Variants in CATSPER3 observed in about 807,000 individuals in gnomAD.
CATSPER3 encodes the protein cation channel sperm-associated protein 3.
Under a neutral mutation model 36.6 loss-of-function variants are expected in CATSPER3, and 23 were observed. That is an observed-to-expected ratio of 0.63 (90% confidence interval 0.45 to 0.89). CATSPER3 has a LOEUF of 0.89. Ranked by LOEUF, CATSPER3 falls within the 40% of genes least tolerant of loss-of-function variation. CATSPER3 has a pLI of 0.00. For missense variants in CATSPER3, 474 were observed against 503.9 expected (o/e 0.94, Z 0.57); for synonymous variants, 172 against 184.1 (o/e 0.93, Z 0.53).
chr5:134,991,523 G>T (rs1239940673), intron 2 of CATSPER3, among the ~76,000 whole-genome samples: 3 of 152,176 alleles, frequency 2.0e-5, no homozygotes, highest in Non-Finnish European at 4.4e-5. Context: ...TGATAACGGG[G>T]TCAAGACCAT....
In CATSPER3 at chr5:134,986,375, C is replaced by A. The variant is rs528998351; in HGVS notation, c.253-9898C>A. ...GTCAGGCTGGTCTCGAACTCCTGAC[C>A]TCAGGTGATCCACTCACCTCGGCCT... On this transcript the variant is annotated intron_variant, in intron 2 of 7. Coordinates refer to ENST00000282611, the MANE Select transcript of CATSPER3 (RefSeq NM_178019.3). 1.5e-4 allele frequency among the ~76,000 whole-genome samples: 23 copies of A among 151,964 alleles called. No homozygotes were observed. In the South Asian group the frequency reaches 4.8e-3, roughly 32 times the overall value.
chr5:134,997,760 C>G (rs1751968198), intron 3 of CATSPER3, among the ~76,000 whole-genome samples: 1 of 152,200 alleles, frequency 6.6e-6, no homozygotes, highest in African/African-American at 2.4e-5. Flanking sequence ...CCAGGACCCT[C>G]CACCTGCCTA....
intron 3 of CATSPER3, among the ~76,000 whole-genome samples, chr5:135,003,861 C>G (rs1752051272): frequency 6.6e-6 from 1 of 152,246 alleles, no homozygotes; most frequent in African/African-American, 2.4e-5. Context: ...CACAGCTTCC[C>G]TTGGCTAGCA....
chr5:134,993,734 A>G (rs911864163), intron 2 of CATSPER3, among the ~76,000 whole-genome samples: 2 of 152,254 alleles, frequency 1.3e-5, no homozygotes, highest in Admixed American at 6.5e-5. Flanking sequence ...TATATCCTTT[A>G]ATGGCTATAA....
rs553953093 is a variant in CATSPER3 at position 134,990,871 on chromosome 5, A to T, written c.253-5402A>T. Among the ~76,000 whole-genome samples the T allele has an allele frequency of 1.5e-3, 223 of 152,352 alleles. 1 individual carries two copies. The highest frequency in any genetic ancestry group is 5.0e-3 in the African/African-American group (208 of 41,576). On this transcript the variant is annotated intron_variant, in intron 2 of 7. Transcript: ENST00000282611. The stretch of plus-strand genomic sequence containing the variant: ...ATCCTAAAAGAATCCATATACTCAC[A>T]TACACACAAGAGGTATTAAACAAAT...
intron 3 of CATSPER3, among the ~76,000 whole-genome samples, chr5:135,006,671 TA>T (rs1212180015): frequency 6.6e-6 from 1 of 151,332 alleles, no homozygotes; most frequent in Non-Finnish European, 1.5e-5. Context: ...TCATCTCTAC[TA>T]AAAATACAAA....
chr5:134,991,069 C>T (rs1414940319), intron 2 of CATSPER3, among the ~76,000 whole-genome samples: 1 of 151,684 alleles, frequency 6.6e-6, no homozygotes, highest in African/African-American at 2.4e-5. Flanking sequence ...GATAAAATAC[C>T]TAGGAAAAAA....
chr5:135,006,718 G>A (rs1752091825), intron 3 of CATSPER3, among the ~76,000 whole-genome samples: 1 of 151,396 alleles, frequency 6.6e-6, no homozygotes, highest in African/African-American at 2.4e-5. Flanking sequence ...GGCACCTGTA[G>A]TCCCAGCTAC....
chr5:134,993,877 C>G (rs1751912699), intron 2 of CATSPER3, among the ~76,000 whole-genome samples: 1 of 152,196 alleles, frequency 6.6e-6, no homozygotes, highest in Non-Finnish European at 1.5e-5. Context: ...GTAATCCCAG[C>G]ACTTTGGGAG....
rs79414637 is a variant in CATSPER3, at chr5:134,985,514, C to T, written c.253-10759C>T. ...TGCACACCTACATGGGTGATGGGTG[C>T]ATCCAAGTAGTGTACATTGCACCTA... On this transcript the variant is annotated intron_variant, in intron 2 of 7. Transcript: ENST00000282611. Among the ~76,000 whole-genome samples, 27 of 152,170 alleles carry T rather than the reference C, an allele frequency of 1.8e-4. No individual in the cohort carries two copies. The East Asian group carries it at 3.5e-3, about 20-fold the overall frequency.
At chr5:134,985,275 A>T (rs1751795074) in intron 2 of CATSPER3, among the ~76,000 whole-genome samples, 1 of 152,238 alleles carries the variant, frequency 6.6e-6, no homozygotes, top group African/African-American at 2.4e-5. Flanking sequence ...TGTCTTTTGC[A>T]GCAACTTGGA....
rs761509314 is a variant in CATSPER3, at chr5:135,008,004, G to A, written c.540G>A (p.Val180=). Residue 180 remains valine, a synonymous_variant, in exon 4 of 8, where the codon GTG becomes GTA. Coordinates refer to ENST00000282611, the MANE Select transcript of CATSPER3 (RefSeq NM_178019.3). The part of the protein sequence containing the change: ...VGQTVYTVAS[V]LLLLFLLMYI... ...AGACAGTCTACACCGTGGCCTCTGT[G>A]CTCCTCCTGCTCTTCCTCCTCATGT... The A allele has an allele frequency of 3.4e-5, 55 of 1,614,026 alleles. 3 individuals carry two copies. The South Asian group carries it at 3.7e-4, about 11-fold the overall frequency.
chr5:135,004,585 T>C (rs915464622), intron 3 of CATSPER3, among the ~76,000 whole-genome samples: 9 of 152,086 alleles, frequency 5.9e-5, no homozygotes, highest in South Asian at 2.1e-4. Context: ...TAATCTGGTT[T>C]TTCCAGGTGT....
intron 6 of CATSPER3, 67 bp downstream of exon 6, chr5:135,009,557 G>A: frequency 3.4e-6 from 1 of 290,076 alleles, no homozygotes; most frequent in Non-Finnish European, 4.7e-6. Flanking sequence ...AGATGGCCAG[G>A]AGGAGGGGCC....
chr5:134,971,438 A>T (rs1751605504), intron 2 of CATSPER3, among the ~76,000 whole-genome samples: 1 of 152,088 alleles, frequency 6.6e-6, no homozygotes, highest in South Asian at 2.1e-4. Context: ...CAACCAAAAA[A>T]ACCAGAGCAA....
intron 3 of CATSPER3, among the ~76,000 whole-genome samples, chr5:134,999,697 T>C (rs1751996165): frequency 6.6e-6 from 1 of 152,234 alleles, no homozygotes; most frequent in Non-Finnish European, 1.5e-5. Flanking sequence ...ACTCATTATT[T>C]GGCTCTCTGT....
intron 2 of CATSPER3, among the ~76,000 whole-genome samples, chr5:134,984,621 A>G (rs1751787195): frequency 6.6e-6 from 1 of 152,218 alleles, no homozygotes; most frequent in African/African-American, 2.4e-5. Context: ...AAAAAGCAAC[A>G]TAGATGTTGG....
intron 5 of CATSPER3, 30 bp downstream of exon 5, chr5:135,009,011 C>T (rs781127095): frequency 2.8e-5 from 45 of 1,613,666 alleles, no homozygotes; most frequent in Admixed American, 1.5e-4. Context: ...GATCGGAGGT[C>T]AGGGCAGGTG....
chr5:135,007,819 C>CCCCCTT, intron 3 of CATSPER3, 138 bp from the exon 4 acceptor site: 4 of 399,242 alleles, frequency 1.0e-5, no homozygotes, highest in Non-Finnish European at 2.0e-5. Flanking sequence ...CCCACCCACC[C>CCCCCTT]TTATTGAGCA....
Sources: allele counts gnomAD v4.1 joint callset (sites outside exome capture counted in the v4.1 genomes callset), GRCh38; gene constraint gnomAD v4.1.1; transcripts MANE v1.5; gene names NCBI Gene and HGNC (gene_info 2026-07-23, HGNC 2026-07-21).